Variants in TMED3 observed in about 807,000 individuals in gnomAD.
TMED3 encodes transmembrane p24 trafficking protein 3.
In TMED3, 9 loss-of-function variants were observed where a neutral mutation model predicts 15.0. The ratio of observed to expected loss-of-function variants is 0.60; its 90% CI spans 0.36 to 1.04. The LOEUF is 1.04. Among genes scored for constraint, TMED3 ranks in the 50% least tolerant of loss-of-function variants. The probability of loss-of-function intolerance (pLI) is 0.01; values close to 1 mark genes in which losing one functional copy is unlikely to be tolerated. For missense variants in TMED3, 267 were observed against 278.9 expected, an observed-to-expected ratio of 0.96 and a Z score of 0.30; for synonymous variants, 117 against 121.4, an observed-to-expected ratio of 0.96 and a Z score of 0.24.
At chr15:79,320,732 A>G (rs1413797097) in intron 2 of TMED3, among the ~76,000 whole-genome samples, 2 of 152,152 alleles carry the variant, frequency 1.3e-5, no homozygotes, top group Non-Finnish European at 2.9e-5. Flanking sequence ...TGTGTTGTCT[A>G]TTGCTGAGTA....
chr15:79,314,419 T>G (rs544177961), intron 2 of TMED3: 74 of 402,074 alleles, frequency 1.8e-4, no homozygotes, highest in Non-Finnish European at 3.2e-4. Flanking sequence ...CATCAATGGC[T>G]TAACAGAATA....
chr15:79,382,920 G>C, intron 2 of TMED3: 1 of 1,518,226 alleles, frequency 6.6e-7, no homozygotes, highest in Non-Finnish European at 8.8e-7. Context: ...TATTCCCATT[G>C]ACAAAGTCAA....
intron 2 of TMED3, among the ~76,000 whole-genome samples, chr15:79,330,111 C>T (rs761090752): frequency 1.1e-4 from 17 of 152,160 alleles, no homozygotes; most frequent in Non-Finnish European, 2.1e-4. Flanking sequence ...AAAAGCTGAA[C>T]GCTTTTTCTC....
At chr15:79,328,885 C>T (rs577741238) in intron 2 of TMED3, among the ~76,000 whole-genome samples, 3 of 152,086 alleles carry the variant, frequency 2.0e-5, no homozygotes, top group South Asian at 4.2e-4. Flanking sequence ...CCTGCCTCTC[C>T]CATGTGTTGC....
chr15:79,359,239 T>G (rs1011739411), intron 2 of TMED3, among the ~76,000 whole-genome samples: 2 of 150,116 alleles, frequency 1.3e-5, no homozygotes, highest in African/African-American at 2.5e-5. Context: ...AGTTTTTTTT[T>G]TTTTTTTTTT....
intron 2 of TMED3, among the ~76,000 whole-genome samples, chr15:79,377,447 A>G (rs1265341381): frequency 6.6e-6 from 1 of 152,162 alleles, no homozygotes; most frequent in Non-Finnish European, 1.5e-5. Flanking sequence ...ATGCACATGT[A>G]GTGAATGATT....
intron 1 of TMED3, among the ~76,000 whole-genome samples, chr15:79,312,244 T>C (rs1428518661): frequency 6.6e-6 from 1 of 152,190 alleles, no homozygotes; most frequent in Non-Finnish European, 1.5e-5. Context: ...GACCAGTTCC[T>C]CTGTGGTTAG....
chr15:79,315,035 C>A (rs1025474642), intron 2 of TMED3, among the ~76,000 whole-genome samples: 1 of 152,172 alleles, frequency 6.6e-6, no homozygotes, highest in African/African-American at 2.4e-5. Context: ...GATAGCAGCA[C>A]GTGTGCCAGA....
intron 2 of TMED3, among the ~76,000 whole-genome samples, chr15:79,387,414 A>T (rs1368650282): frequency 1.3e-5 from 2 of 152,074 alleles, no homozygotes; most frequent in African/African-American, 4.8e-5. Context: ...CTATTTGTCA[A>T]TCCCTGTGCA....
chr15:79,367,594 A>G (rs1567034044), intron 2 of TMED3, among the ~76,000 whole-genome samples: 2 of 151,968 alleles, frequency 1.3e-5, no homozygotes, highest in African/African-American at 4.8e-5. Flanking sequence ...AGTAAACCCC[A>G]CCTGTTCCAC....
intron 2 of TMED3, among the ~76,000 whole-genome samples, chr15:79,399,788 T>C (rs921907518): frequency 5.9e-5 from 9 of 152,178 alleles, no homozygotes; most frequent in South Asian, 4.1e-4. Context: ...TCTGTGAGAA[T>C]TGTCAAGTGT....
chr15:79,328,883 TC>T (rs768229264), intron 2 of TMED3, among the ~76,000 whole-genome samples: 98 of 152,268 alleles, frequency 6.4e-4, no homozygotes, highest in Middle Eastern at 3.4e-3. Context: ...TGCCTGCCTC[TC>T]CCATGTGTTG....
chr15:79,374,978 T>A (rs1222164229), intron 2 of TMED3, among the ~76,000 whole-genome samples: 1 of 152,198 alleles, frequency 6.6e-6, no homozygotes, highest in Non-Finnish European at 1.5e-5. Context: ...TTCTCCTCCC[T>A]AAAGACTTCA....
downstream of TMED3, among the ~76,000 whole-genome samples, chr15:79,325,968 A>G (rs7181006): frequency 0.41 from 62,271 of 151,898 alleles, 13,149 homozygotes; most frequent in Middle Eastern, 0.53. Context: ...CTCCCAGTCC[A>G]TTGAGTCAAA....
chr15:79,338,052 T>C (rs2058833352), intron 2 of TMED3, among the ~76,000 whole-genome samples: 1 of 152,232 alleles, frequency 6.6e-6, no homozygotes, highest in South Asian at 2.1e-4. Flanking sequence ...AACCATCCAA[T>C]GTGGTATCAC....
intron 2 of TMED3, among the ~76,000 whole-genome samples, chr15:79,373,898 C>A (rs1418159774): frequency 1.3e-5 from 2 of 152,096 alleles, no homozygotes; most frequent in Admixed American, 6.5e-5. Context: ...TTAAGGTCTG[C>A]CTGAAGAGTT....
chr15:79,316,380 T>G (rs1264741676), intron 2 of TMED3, among the ~76,000 whole-genome samples: 1 of 152,178 alleles, frequency 6.6e-6, no homozygotes, highest in Non-Finnish European at 1.5e-5. Flanking sequence ...TGGTCAGAGC[T>G]GAAGGTTTCT....
intron 2 of TMED3, among the ~76,000 whole-genome samples, chr15:79,332,436 G>A (rs1340419105): frequency 6.6e-6 from 1 of 152,218 alleles, no homozygotes; most frequent in African/African-American, 2.4e-5. Flanking sequence ...AGTTAAAAGT[G>A]GGAGTAGAGG....
At chr15:79,405,647 T>C (rs1373119218) in intron 2 of TMED3, among the ~76,000 whole-genome samples, 1 of 152,184 alleles carries the variant, frequency 6.6e-6, no homozygotes, top group African/African-American at 2.4e-5. Flanking sequence ...AGCCCCTGAA[T>C]TTTCATGGCT....
Sources: allele counts gnomAD v4.1 joint callset (sites outside exome capture counted in the v4.1 genomes callset), GRCh38; gene constraint gnomAD v4.1.1; transcripts MANE v1.5; gene names NCBI Gene and HGNC (gene_info 2026-07-23, HGNC 2026-07-21).